Variants in DSE observed in about 807,000 individuals in gnomAD.
DSE encodes the protein dermatan sulfate epimerase, also known as dermatan-sulfate epimerase.
Under a neutral mutation model 84.4 loss-of-function variants are expected in DSE, and 36 were observed. That is an observed-to-expected ratio of 0.43 (90% CI 0.33 to 0.56). The LOEUF (loss-of-function observed/expected upper bound fraction) is 0.56. DSE is among the 20% of genes least tolerant of loss of function. DSE has a pLI of 0.06. For missense variants in DSE, 862 were observed against 1,169.6 expected (o/e 0.74, Z 3.84); for synonymous variants, 410 against 430.1 (o/e 0.95, Z 0.58).
intron 2 of DSE, among the ~76,000 whole-genome samples, chr6:116,406,979 C>A (rs1205717868): frequency 6.6e-6 from 1 of 151,996 alleles, no homozygotes; most frequent in Non-Finnish European, 1.5e-5. Context: ...GAAATGAAGA[C>A]CACAGTTAAA....
At chr6:116,433,297 G>C (rs1400192461) in intron 4 of DSE, 46 bp from the exon 5 acceptor site, 1 of 1,531,020 alleles carries the variant, frequency 6.5e-7, no homozygotes, top group South Asian at 1.2e-5. Flanking sequence ...ATATAGGAGT[G>C]TGAAGTTTTC....
At chr6:116,372,491 C>G (rs1779662510) in intron 1 of DSE, among the ~76,000 whole-genome samples, 1 of 152,050 alleles carries the variant, frequency 6.6e-6, no homozygotes, top group Admixed American at 6.5e-5. Context: ...ATGATAATCT[C>G]TATGTGAAAT....
rs1377431483 is a variant in DSE, at chr6:116,439,587, T to C, written c.*2242T>C. 6.6e-6 allele frequency: 1 copy of C among 152,046 alleles called. No individual in the cohort carries two copies. The highest frequency in any genetic ancestry group is 1.5e-5 in the Non-Finnish European group (1 of 68,000). 9.4% of individuals were successfully genotyped at this position (152,046 alleles called of 1,614,324 possible). A position where few individuals can be genotyped will look rare whatever the true frequency, so the allele number is the denominator to read the frequency against. On this transcript the variant is annotated 3_prime_UTR_variant, in exon 6 of 6. Coordinates refer to ENST00000644252, the MANE Select transcript of DSE (RefSeq NM_013352.4). ...TTTTTTTAATCAGGGATAGTGCATA[T>C]TTGAGTAAAACTAGGGAACTTTTTG...
At chr6:116,377,051 T>C (rs995539244) in intron 1 of DSE, among the ~76,000 whole-genome samples, 6 of 152,200 alleles carry the variant, frequency 3.9e-5, no homozygotes, top group African/African-American at 1.4e-4. Context: ...CCAGTGTGTG[T>C]ATAAATTAGC....
chr6:116,397,718 G>A (rs558353796), intron 1 of DSE, among the ~76,000 whole-genome samples: 2 of 152,216 alleles, frequency 1.3e-5, no homozygotes, highest in Non-Finnish European at 2.9e-5. Flanking sequence ...TACTGGCAGA[G>A]TCCAAGAGTT....
intron 1 of DSE, among the ~76,000 whole-genome samples, chr6:116,383,525 G>T (rs144608106): frequency 6.6e-6 from 1 of 152,172 alleles, no homozygotes; most frequent in Non-Finnish European, 1.5e-5. Context: ...TATAGACTCC[G>T]CATTAAACAT....
chr6:116,337,730 TA>T (rs1176139613), intron 2 of DSE, among the ~76,000 whole-genome samples: 1 of 152,182 alleles, frequency 6.6e-6, no homozygotes, highest in Non-Finnish European at 1.5e-5. Flanking sequence ...TGAGGTCAAA[TA>T]AAAGATTTAG....
intron 3 of DSE, among the ~76,000 whole-genome samples, chr6:116,428,161 C>A (rs946635079): frequency 1.3e-5 from 2 of 152,094 alleles, no homozygotes; most frequent in Non-Finnish European, 2.9e-5. Context: ...TGCACTCCAG[C>A]CTTGGCAACA....
At chr6:116,361,145 C>T (rs965528689) in intron 2 of DSE, among the ~76,000 whole-genome samples, 3 of 152,004 alleles carry the variant, frequency 2.0e-5, no homozygotes, top group East Asian at 1.9e-4. Context: ...CCACAACCTC[C>T]GCTTCCTGGG....
intron 1 of DSE, among the ~76,000 whole-genome samples, chr6:116,390,995 C>T (rs1780867143): frequency 6.6e-6 from 1 of 152,278 alleles, no homozygotes; most frequent in Non-Finnish European, 1.5e-5. Flanking sequence ...GTTAGATAGC[C>T]ACTACATTTC....
chr6:116,299,339 G>C (rs1466954995), intron 2 of DSE, among the ~76,000 whole-genome samples: 2 of 151,718 alleles, frequency 1.3e-5, no homozygotes, highest in African/African-American at 2.4e-5. Context: ...GAAGAACAAT[G>C]AGCACTTTCT....
intron 2 of DSE, among the ~76,000 whole-genome samples, chr6:116,359,805 G>A (rs903552854): frequency 2.0e-5 from 3 of 152,076 alleles, no homozygotes; most frequent in African/African-American, 4.8e-5. Flanking sequence ...CTCATCTATC[G>A]TTCTGAGTGT....
At chr6:116,391,222 T>A (rs1013460621) in intron 1 of DSE, among the ~76,000 whole-genome samples, 7 of 152,184 alleles carry the variant, frequency 4.6e-5, no homozygotes, top group African/African-American at 1.7e-4. Flanking sequence ...ATGATAGAAA[T>A]GTTCTTTGAC....
intron 2 of DSE, among the ~76,000 whole-genome samples, chr6:116,261,353 G>A (rs1196539809): frequency 2.6e-5 from 4 of 151,964 alleles, no homozygotes; most frequent in Non-Finnish European, 4.4e-5. Flanking sequence ...TCAGCCTCCC[G>A]AGGTACTTTA....
chr6:116,431,231 A>C lies in DSE; in HGVS notation c.910+38A>C. ...GTCAGAAGTGTGAAAACATTAAACT[A>C]TTGTAATTTTTTCTGATTATGAAAA... On this transcript the variant is annotated intron_variant, in intron 4 of 5. Transcript: ENST00000644252. 4.4e-6 allele frequency: 7 copies of C among 1,602,036 alleles called. No homozygotes were observed. The Admixed American group carries it at 1.0e-4, about 23-fold the overall frequency.
Position 116,426,729 on chromosome 6 carries a change from C to A in DSE, c.572C>A (p.Thr191Asn). 5.0e-6 allele frequency: 8 copies of A among 1,614,180 alleles called. No homozygotes were observed. The highest frequency in any genetic ancestry group is 6.8e-6 in the Non-Finnish European group (8 of 1,180,030). ...AATGCCTCAGGGTATATGTATGAAACTTCATACAGGAGAGGATGGGGATTT... is the reference window on the plus strand; with the variant it reads ...AATGCCTCAGGGTATATGTATGAAAATTCATACAGGAGAGGATGGGGATTT... ...IANASGYMYE[T>N]SYRRGWGFQY... is the part of the protein sequence containing the mutation. Residue 191 changes from threonine (T) to asparagine (N), a missense_variant, in exon 3 of 6, where the codon ACT becomes AAT. Physicochemically the swap from Thr to Asn is moderately conservative, Grantham distance 65. Transcript: ENST00000644252.
chr6:116,322,381 C>T (rs1583016011), intron 2 of DSE, among the ~76,000 whole-genome samples: 1 of 151,948 alleles, frequency 6.6e-6, no homozygotes, highest in African/African-American at 2.4e-5. Flanking sequence ...GGGGTGGTCT[C>T]CTCCCTTAAT....
At chr6:116,278,934 C>A in intron 2 of DSE, 2 of 1,614,140 alleles carry the variant, frequency 1.2e-6, no homozygotes, top group Non-Finnish European at 1.7e-6. Flanking sequence ...ACCTTAACAT[C>A]TCTGCATCTT....
rs542139907 is a variant in DSE at position 116,372,047 on chromosome 6, G to T, written c.-54+926G>T. 2.6e-5 allele frequency among the ~76,000 whole-genome samples: 4 copies of T among 152,206 alleles called. No individual in the cohort carries two copies. In the South Asian group the frequency reaches 8.3e-4, roughly 32 times the overall value. ...TAAAGTTCTTTTTAAAAATTTTTTC[G>T]TTGGTCATGGTTTAGAAAGTCATGG... On this transcript the variant is annotated intron_variant, in intron 1 of 5. Transcript: ENST00000644252.
Sources: allele counts gnomAD v4.1 joint callset (sites outside exome capture counted in the v4.1 genomes callset), GRCh38; gene constraint gnomAD v4.1.1; transcripts MANE v1.5; gene names NCBI Gene and HGNC (gene_info 2026-07-23, HGNC 2026-07-21).